The following NSG2 variants were observed in gnomAD, a reference collection of about 807,000 sequenced individuals.
NSG2 encodes the protein neuronal vesicle trafficking-associated protein 2.
NSG2 carries 4 observed loss-of-function variants against 16.9 expected under a neutral mutation model. The observed-to-expected ratio is 0.24, with a 90% CI of 0.12 to 0.54. NSG2 has a LOEUF of 0.54. Among genes scored for constraint, NSG2 ranks in the 20% least tolerant of loss-of-function variants. The probability of loss-of-function intolerance (pLI) is 0.95; values close to 1 mark genes in which losing one functional copy is unlikely to be tolerated. For synonymous variants in NSG2, 98 were observed against 88.7 expected, an observed-to-expected ratio of 1.11 and a Z score of -0.59; for missense variants, 179 against 221.1, an observed-to-expected ratio of 0.81 and a Z score of 1.21.
At chr5:174,056,316 G>A (rs1231912926) in intron 2 of NSG2, 1 of 152,232 alleles carries the variant, frequency 6.6e-6, no homozygotes, top group African/African-American at 2.4e-5. Context: ...AAGATTTGCT[G>A]AGATACAGGA....
At chr5:174,081,360 C>G (rs1760462463) in intron 3 of NSG2, 1 of 151,928 alleles carries the variant, frequency 6.6e-6, no homozygotes, top group East Asian at 1.9e-4. Context: ...TTTTTTCCCC[C>G]CCAAATACCC....
chr5:174,049,515 C>T (rs1759855481), intron 2 of NSG2, among the ~76,000 whole-genome samples: 1 of 152,200 alleles, frequency 6.6e-6, no homozygotes, highest in African/African-American at 2.4e-5. Context: ...AATTAATAGG[C>T]CCCAGTGAGG....
At chr5:174,097,059 G>A (rs539781667) in intron 3 of NSG2, among the ~76,000 whole-genome samples, 6 of 152,222 alleles carry the variant, frequency 3.9e-5, no homozygotes, top group East Asian at 1.9e-4. Context: ...TGTGCACTAC[G>A]TTCCCAATAA....
chr5:174,066,262 A>G (rs544453664), intron 3 of NSG2: 2 of 456,162 alleles, frequency 4.4e-6, no homozygotes, highest in South Asian at 3.1e-5. Flanking sequence ...GCGTACAAGT[A>G]CTTGCAGGAA....
rs1554102626 is a variant in NSG2, at chr5:174,102,754, T to TA, written c.214-1474_214-1473insA. Among the ~76,000 whole-genome samples, 16 of 90,850 alleles carry TA rather than the reference T, an allele frequency of 1.8e-4. No homozygotes were observed. In the South Asian group the frequency reaches 1.8e-3, roughly 10 times the overall value. 59.6% of individuals were successfully genotyped at this position (90,850 alleles called of 152,430 possible). On this transcript the variant is annotated intron_variant, in intron 3 of 4. Coordinates refer to ENST00000303177, the MANE Select transcript of NSG2 (RefSeq NM_015980.5). ...GCAGAAAAGGGCCATGCTTTGTTTT[T>TA]TTTATTTATTTATTTATTTATTTAT...
chr5:174,049,768 T>C (rs761067240), intron 2 of NSG2, among the ~76,000 whole-genome samples: 1 of 152,230 alleles, frequency 6.6e-6, no homozygotes, highest in Non-Finnish European at 1.5e-5. Flanking sequence ...CTGTGTTCTC[T>C]GAGTGGAAAA....
rs539313631 is a variant in NSG2, at chr5:174,049,437, G to A, written c.129+2553G>A. The stretch of plus-strand genomic sequence containing the variant: ...CCTAAATTCTAAGCTATATGTGCAC[G>A]CGCACGTGCACACACACACACACAC... On this transcript the variant is annotated intron_variant, in intron 2 of 4. Coordinates refer to ENST00000303177, the MANE Select transcript of NSG2 (RefSeq NM_015980.5). 7.9e-4 allele frequency among the ~76,000 whole-genome samples: 90 copies of A among 113,712 alleles called. No individual in the cohort carries two copies. In the East Asian group the frequency reaches 0.013, roughly 17 times the overall value. 74.6% of individuals were successfully genotyped at this position (113,712 alleles called of 152,430 possible).
chr5:174,101,944 C>G (rs914140501), intron 3 of NSG2, among the ~76,000 whole-genome samples: 2 of 152,124 alleles, frequency 1.3e-5, no homozygotes, highest in Non-Finnish European at 2.9e-5. Context: ...TCAGCTCCAC[C>G]TCTTGCCTGT....
intron 2 of NSG2, among the ~76,000 whole-genome samples, chr5:174,053,672 G>A (rs1759926210): frequency 6.6e-6 from 1 of 152,194 alleles, no homozygotes; most frequent in South Asian, 2.1e-4. Context: ...CAACATCTCT[G>A]ATTAGGCAGA....
At chr5:174,058,038 A>G (rs1343083128) in intron 2 of NSG2, among the ~76,000 whole-genome samples, 2 of 152,194 alleles carry the variant, frequency 1.3e-5, no homozygotes. Flanking sequence ...AATGGAATGA[A>G]TTTTGAGACT....
At position 174,072,407 on chromosome 5, in the gene NSG2, T is replaced by G. The variant is rs902501350; in HGVS notation, c.213+8092T>G. On this transcript the variant is annotated intron_variant, in intron 3 of 4. Coordinates refer to ENST00000303177, the MANE Select transcript of NSG2 (RefSeq NM_015980.5). This position sits in a 1 kb window ranked among gnomAD's most constrained non-coding sequence, Gnocchi z 4.0. ...TCCTTCCTAGCTGGATTGTCTTTCC[T>G]GCCTGCCATGGGGCCATCTCCCTAT... 6.6e-6 allele frequency among the ~76,000 whole-genome samples: 1 copy of G among 152,268 alleles called. No homozygotes were observed. The highest frequency in any genetic ancestry group is 1.5e-5 in the Non-Finnish European group (1 of 68,050).
In NSG2 at chr5:174,064,230, A is replaced by G; in HGVS notation, c.130-2A>G. The G allele has an allele frequency of 6.2e-7, 1 of 1,605,296 alleles. No individual in the cohort carries two copies. The highest frequency in any genetic ancestry group is 8.5e-7 in the Non-Finnish European group (1 of 1,174,224). On this transcript the variant is annotated splice_acceptor_variant, in intron 2 of 4. Transcript: ENST00000303177. LOFTEE classifies it high-confidence loss of function. ...TGCTAACACACTGGTTGACTCTTTCAGGTGATTGTGAAGACAAGAACGGAA... is the reference window on the plus strand; with the variant it reads ...TGCTAACACACTGGTTGACTCTTTCGGGTGATTGTGAAGACAAGAACGGAA...
rs1040223097 is a variant in NSG2 at position 174,108,468 on chromosome 5, A to G, written c.*963A>G. Reference sequence around the variant, plus strand: ...GTTTCCCAAAGTGCTGATAACAATAACAACAACAATAGGATTCCAACCAGG... The same window carrying G: ...GTTTCCCAAAGTGCTGATAACAATAGCAACAACAATAGGATTCCAACCAGG... On this transcript the variant is annotated 3_prime_UTR_variant, in exon 5 of 5. Transcript: ENST00000303177. 3 of 152,494 alleles carry G rather than the reference A, an allele frequency of 2.0e-5. No individual in the cohort carries two copies. Among genetic ancestry groups the G allele is most frequent in the Admixed American group, 2.0e-4 (3 of 15,278 alleles). 9.4% of individuals were successfully genotyped at this position (152,494 alleles called of 1,614,324 possible).
chr5:174,074,088 C>T (rs569189469), intron 3 of NSG2, among the ~76,000 whole-genome samples: 1 of 152,148 alleles, frequency 6.6e-6, no homozygotes, highest in Admixed American at 6.5e-5. Context: ...CCTCTCCCCC[C>T]AAGAGCTGGT....
chr5:174,094,014 A>G (rs1345348304), intron 3 of NSG2, among the ~76,000 whole-genome samples: 1 of 152,232 alleles, frequency 6.6e-6, no homozygotes, highest in Non-Finnish European at 1.5e-5. Flanking sequence ...TACAGTATGC[A>G]TCGTGCATGG....
Position 174,108,021 on chromosome 5 carries a change from G to A in NSG2, c.*516G>A, listed in dbSNP as rs71613107. The A allele has an allele frequency of 5.3e-5, 16 of 304,424 alleles. No individual in the cohort carries two copies. Among genetic ancestry groups the A allele is most frequent in the Admixed American group, 1.4e-4 (3 of 20,970 alleles). The allele number at this position is 304,424 out of a possible 1,614,324, so 18.9% of individuals were successfully genotyped here. On this transcript the variant is annotated 3_prime_UTR_variant, in exon 5 of 5. Transcript: ENST00000303177. ...AGCCTGTGGTCTGCAGGGTAGGCCC[G>A]CAGGAAATGAGGAATGGCCGAGCTG...
chr5:174,073,546 A>G (rs1218975098), intron 3 of NSG2, among the ~76,000 whole-genome samples: 11 of 152,206 alleles, frequency 7.2e-5, no homozygotes, highest in Non-Finnish European at 1.2e-4. Context: ...CAGACTGAAG[A>G]TGCTGGCCTA....
intron 2 of NSG2, among the ~76,000 whole-genome samples, chr5:174,048,970 G>A (rs1164195483): frequency 1.3e-5 from 2 of 152,088 alleles, no homozygotes; most frequent in Non-Finnish European, 2.9e-5. Flanking sequence ...TTTTTGATAT[G>A]GGGAGGATCA....
chr5:174,107,075 C>A lies in NSG2; in HGVS notation c.325-239C>A, dbSNP rs796770111. ...ACAGTCAGTATGCAGAGAAGGCTGG[C>A]CTTGAATCAGTGTCAATATCAGGTT... On this transcript the variant is annotated intron_variant, in intron 4 of 4. Coordinates refer to ENST00000303177, the MANE Select transcript of NSG2 (RefSeq NM_015980.5). The surrounding 1 kb of genome is among the most constrained non-coding windows in gnomAD (Gnocchi z 4.5). 9.9e-5 allele frequency among the ~76,000 whole-genome samples: 15 copies of A among 152,246 alleles called. No homozygotes were observed. In the South Asian group the frequency reaches 3.1e-3, roughly 32 times the overall value.
Sources: allele counts gnomAD v4.1 joint callset (sites outside exome capture counted in the v4.1 genomes callset), GRCh38; gene constraint gnomAD v4.1.1; non-coding constraint Gnocchi (gnomAD v3.1); transcripts MANE v1.5; gene names NCBI Gene and HGNC (gene_info 2026-07-23, HGNC 2026-07-21).